SCAPER: variants seen among roughly 807,000 people sequenced by gnomAD.
SCAPER encodes S phase cyclin A-associated protein in the endoplasmic reticulum.
SCAPER carries 98 observed loss-of-function variants against 182.2 expected under a neutral mutation model. The ratio of observed to expected loss-of-function variants is 0.54; its 90% confidence interval spans 0.46 to 0.64. The LOEUF (loss-of-function observed/expected upper bound fraction) is 0.64. Among genes scored for constraint, SCAPER ranks in the 30% least tolerant of loss-of-function variants. The pLI is 0.00. For synonymous variants in SCAPER, 605 were observed against 564.6 expected (o/e 1.07, Z -1.01); for missense variants, 1,432 against 1,690.0 (o/e 0.85, Z 2.68).
chr15:76,593,469 A>G (rs2049278720), intron 22 of SCAPER, among the ~76,000 whole-genome samples: 1 of 121,038 alleles, frequency 8.3e-6, no homozygotes, highest in South Asian at 2.6e-4. Context: ...GCTCGAGCTC[A>G]AATAAAGGAC....
chr15:76,601,358 C>T (rs2049922121), intron 22 of SCAPER, among the ~76,000 whole-genome samples: 1 of 122,064 alleles, frequency 8.2e-6, no homozygotes. Flanking sequence ...GCATATATGA[C>T]AGTGGTCCCA....
intron 25 of SCAPER, among the ~76,000 whole-genome samples, chr15:76,446,942 G>T (rs2048041290): frequency 6.6e-6 from 1 of 152,126 alleles, no homozygotes; most frequent in Admixed American, 6.5e-5. Context: ...TAAATTACAT[G>T]AGACGTTCAA....
chr15:76,390,832 GCTGGGAGGGTAA>G (rs1227326582), intron 27 of SCAPER, among the ~76,000 whole-genome samples: 2 of 152,206 alleles, frequency 1.3e-5, no homozygotes, highest in African/African-American at 2.4e-5. Flanking sequence ...AATTGCTTCT[GCTGGGAGGGTAA>G]CTGGGAGGAA....
Position 76,607,241 on chromosome 15 carries a change from G to C in SCAPER, c.2711+14523C>G, listed in dbSNP as rs574276689. ...TGACAAAATCTCTCAGCATTTACTT[G>C]TCTGTAAAGTATTTTATTTCTCCTT... On this transcript the variant is annotated intron_variant, in intron 22 of 31. Transcript: ENST00000563290. Among the ~76,000 whole-genome samples, 465 of 152,246 alleles carry C rather than the reference G, an allele frequency of 3.1e-3. 4 individuals carry two copies. The highest frequency in any genetic ancestry group is 0.011 in the African/African-American group (448 of 41,532).
intron 26 of SCAPER, among the ~76,000 whole-genome samples, chr15:76,433,181 T>A (rs2046976867): frequency 6.6e-6 from 1 of 152,136 alleles, no homozygotes; most frequent in Non-Finnish European, 1.5e-5. Flanking sequence ...TTGTAAAAGC[T>A]CTAGCAGAAC....
intron 2 of SCAPER, 142 bp downstream of exon 2, chr15:76,883,670 T>G (rs745322072): frequency 1.4e-6 from 1 of 714,440 alleles, no homozygotes; most frequent in East Asian, 3.3e-5. Flanking sequence ...CATTCATAGC[T>G]GCTCACTTTA....
At chr15:76,437,936 A>G (rs2142598559) in intron 25 of SCAPER, among the ~76,000 whole-genome samples, 1 of 152,276 alleles carries the variant, frequency 6.6e-6, no homozygotes, top group South Asian at 2.1e-4. Context: ...AATTTCATAA[A>G]ACTGTAACAA....
At chr15:76,406,920 CA>C (rs1286838005) in intron 26 of SCAPER, among the ~76,000 whole-genome samples, 2 of 152,166 alleles carry the variant, frequency 1.3e-5, no homozygotes, top group Admixed American at 1.3e-4. Context: ...GAGGACCACT[CA>C]ACATCTTCTG....
intron 1 of SCAPER, among the ~76,000 whole-genome samples, chr15:76,887,729 T>C (rs2073925879): frequency 6.6e-6 from 1 of 152,210 alleles, no homozygotes; most frequent in African/African-American, 2.4e-5. Flanking sequence ...GGGCAGGGCA[T>C]AGCTGAACAA....
intron 23 of SCAPER, among the ~76,000 whole-genome samples, chr15:76,507,422 G>C (rs1334234387): frequency 6.6e-6 from 1 of 152,172 alleles, no homozygotes; most frequent in Admixed American, 6.5e-5. Flanking sequence ...CTTATGGCAG[G>C]CCCCAAGCAA....
chr15:76,734,997 T>A (rs1049661438), intron 15 of SCAPER, among the ~76,000 whole-genome samples: 2 of 151,854 alleles, frequency 1.3e-5, no homozygotes, highest in Non-Finnish European at 2.9e-5. Context: ...CTAAGCAAAA[T>A]TTTTACAATA....
intron 27 of SCAPER, among the ~76,000 whole-genome samples, chr15:76,401,108 T>C (rs2044422414): frequency 6.6e-6 from 1 of 152,030 alleles, no homozygotes; most frequent in East Asian, 1.9e-4. Flanking sequence ...TAGACCAAAG[T>C]TTACACATAT....
At chr15:76,359,097 G>A (rs1423718806) in intron 29 of SCAPER, among the ~76,000 whole-genome samples, 5 of 152,320 alleles carry the variant, frequency 3.3e-5, no homozygotes, top group Middle Eastern at 3.4e-3. Flanking sequence ...TGTTAGTTAT[G>A]AGTGTTTGGT....
At chr15:76,469,632 A>T (rs937596989) in intron 25 of SCAPER, among the ~76,000 whole-genome samples, 17 of 152,022 alleles carry the variant, frequency 1.1e-4, no homozygotes, top group East Asian at 5.8e-4. Context: ...TTAGTCAGTT[A>T]TTGTGCAGAA....
chr15:76,903,354 T>A (rs74024634), intron 1 of SCAPER, among the ~76,000 whole-genome samples: 6,985 of 152,290 alleles, frequency 0.046, 472 homozygotes, highest in African/African-American at 0.15. Flanking sequence ...ACCATAATGC[T>A]ATGGTCTGCA....
intron 8 of SCAPER, among the ~76,000 whole-genome samples, chr15:76,793,965 T>C (rs953754865): frequency 1.5e-4 from 23 of 152,194 alleles, no homozygotes; most frequent in African/African-American, 5.3e-4. Context: ...GCTGCAGAAC[T>C]GATTGATTGG....
chr15:76,794,288 G>A (rs182975999), intron 8 of SCAPER, among the ~76,000 whole-genome samples: 3 of 152,272 alleles, frequency 2.0e-5, no homozygotes, highest in Admixed American at 1.3e-4. Flanking sequence ...ACTGTGATAT[G>A]TATTAATACC....
In SCAPER at chr15:76,598,158, T is replaced by A. The variant is rs569992378; in HGVS notation, c.2711+23606A>T. Among the ~76,000 whole-genome samples, 14 of 119,944 alleles carry A rather than the reference T, an allele frequency of 1.2e-4. 4 individuals carry two copies. The highest frequency in any genetic ancestry group is 1.1e-3 in the East Asian group (5 of 4,502). The allele number at this position is 119,944 out of a possible 152,430, so 78.7% of individuals were successfully genotyped here. ...TGGGTGATGGATATGAACAGACACT[T>A]CTCAAAAGAAGACATTTATGCGGCC... On this transcript the variant is annotated intron_variant, in intron 22 of 31. Coordinates refer to ENST00000563290, the MANE Select transcript of SCAPER (RefSeq NM_020843.4).
At chr15:76,839,357 G>A (rs1268418506) in intron 5 of SCAPER, among the ~76,000 whole-genome samples, 1 of 152,156 alleles carries the variant, frequency 6.6e-6, no homozygotes, top group Admixed American at 6.5e-5. Context: ...CGTACAAAAT[G>A]AGGAAAAATT....
Sources: allele counts gnomAD v4.1 joint callset (sites outside exome capture counted in the v4.1 genomes callset), GRCh38; gene constraint gnomAD v4.1.1; transcripts MANE v1.5; gene names NCBI Gene and HGNC (gene_info 2026-07-23, HGNC 2026-07-21).